MOXD1: variants seen among roughly 807,000 people sequenced by gnomAD.
The protein encoded by MOXD1 is DBH-like monooxygenase protein 1.
A neutral mutation model predicts 66.6 loss-of-function variants in MOXD1; 62 were observed. The ratio of observed to expected loss-of-function variants is 0.93; its 90% CI spans 0.76 to 1.15. The LOEUF (loss-of-function observed/expected upper bound fraction) is 1.15, where lower values mean the gene tolerates loss of function less well. Among genes scored for constraint, MOXD1 ranks in the 50% most tolerant of loss-of-function variants. The pLI is 0.00. For synonymous variants in MOXD1, 303 were observed against 281.9 expected (o/e 1.07, Z -0.75); for missense variants, 847 against 754.6 (o/e 1.12, Z -1.44).
At chr6:132,323,794 TA>T in intron 7 of MOXD1, 136 bp downstream of exon 7, 2 of 948,398 alleles carry the variant, frequency 2.1e-6, no homozygotes, top group Non-Finnish European at 1.5e-6. Context: ...AAAGTCCTAC[TA>T]AAATTGCGAT....
Position 132,376,332 on chromosome 6 carries a change from C to T in MOXD1, c.265-1555G>A, listed in dbSNP as rs1269173784. On this transcript the variant is annotated intron_variant, in intron 1 of 11. Transcript: ENST00000367963. ...ATAAAAGTCATACTCAAATAGATGGCATTTGGCATTTTTATTCCAAGCATC... is the reference window on the plus strand; with the variant it reads ...ATAAAAGTCATACTCAAATAGATGGTATTTGGCATTTTTATTCCAAGCATC... Among the ~76,000 whole-genome samples the T allele has an allele frequency of 2.6e-5, 4 of 152,150 alleles. No individual in the cohort carries two copies. In the East Asian group the frequency reaches 7.7e-4, roughly 29 times the overall value.
At chr6:132,359,538 G>C (rs995561872) in intron 4 of MOXD1, among the ~76,000 whole-genome samples, 2 of 147,420 alleles carry the variant, frequency 1.4e-5, no homozygotes, top group Non-Finnish European at 3.0e-5. Context: ...CCAGGCTGGA[G>C]TGCAGTGGCG....
intron 1 of MOXD1, among the ~76,000 whole-genome samples, chr6:132,389,464 A>G (rs1352990993): frequency 1.3e-5 from 2 of 151,326 alleles, no homozygotes; most frequent in Non-Finnish European, 3.0e-5. Context: ...CAACCTAACC[A>G]TATAAGGTCA....
At position 132,328,510 on chromosome 6, in the gene MOXD1, C is replaced by T. The variant is rs772078544; in HGVS notation, c.748G>A (p.Val250Ile). Reference protein sequence around the residue: ...YQCSNNFNDSVLESGHECYHP... With the variant: ...YQCSNNFNDSILESGHECYHP... ...TAGCACTCGTGGCCGGACTCCAGAA[C>T]GCTGTCGTTAAAGTTGTTGCTGCAC... Residue 250 changes from valine to isoleucine, a missense_variant, in exon 5 of 12, where the codon GTT becomes ATT. By Grantham distance (29) the Val-to-Ile change is conservative. Transcript: ENST00000367963. The T allele has an allele frequency of 8.1e-6, 13 of 1,614,014 alleles. No homozygotes were observed. Among genetic ancestry groups the T allele is most frequent in the Middle Eastern group, 1.6e-4 (1 of 6,084 alleles).
intron 6 of MOXD1, among the ~76,000 whole-genome samples, chr6:132,324,407 C>A: frequency 6.6e-6 from 1 of 152,056 alleles, no homozygotes; most frequent in East Asian, 1.9e-4. Flanking sequence ...AACATGAAGA[C>A]AGAATGAAGA....
At chr6:132,390,964 G>A (rs1346049726) in intron 1 of MOXD1, 1 of 151,450 alleles carries the variant, frequency 6.6e-6, no homozygotes, top group Non-Finnish European at 1.5e-5. Flanking sequence ...CACTATTTAG[G>A]AGGAAAATTA....
intron 1 of MOXD1, among the ~76,000 whole-genome samples, chr6:132,380,915 A>G (rs755310167): frequency 6.6e-6 from 1 of 152,192 alleles, no homozygotes; most frequent in Non-Finnish European, 1.5e-5. Context: ...TAGCCCCTAC[A>G]CGCACATGAA....
At chr6:132,359,743 C>T (rs58213243) in intron 4 of MOXD1, among the ~76,000 whole-genome samples, 7 of 152,294 alleles carry the variant, frequency 4.6e-5, no homozygotes, top group African/African-American at 1.7e-4. Context: ...GCCTCTGCCT[C>T]CCAAAGTGCT....
At chr6:132,369,222 T>C (rs1776211969) in intron 4 of MOXD1, among the ~76,000 whole-genome samples, 2 of 152,112 alleles carry the variant, frequency 1.3e-5, no homozygotes, top group African/African-American at 4.8e-5. Context: ...AGGCAATCCC[T>C]TGTTGAAGTC....
chr6:132,353,630 A>G (rs894933659), intron 4 of MOXD1, among the ~76,000 whole-genome samples: 1 of 152,132 alleles, frequency 6.6e-6, no homozygotes, highest in Non-Finnish European at 1.5e-5. Context: ...TAACCTGATG[A>G]TGATGTGCCT....
intron 4 of MOXD1, among the ~76,000 whole-genome samples, chr6:132,354,830 A>T (rs937014892): frequency 5.3e-5 from 8 of 152,124 alleles, no homozygotes; most frequent in African/African-American, 1.9e-4. Context: ...GTCTTGCTGC[A>T]GCTGCTGTGG....
intron 10 of MOXD1, among the ~76,000 whole-genome samples, chr6:132,303,833 G>GTA (rs1562276379): frequency 3.2e-4 from 19 of 59,970 alleles, no homozygotes; most frequent in Admixed American, 7.1e-4. Context: ...GTGTGTGTGT[G>GTA]TGTATATATA....
intron 1 of MOXD1, among the ~76,000 whole-genome samples, chr6:132,380,706 G>C (rs1224296246): frequency 6.6e-6 from 1 of 152,084 alleles, no homozygotes; most frequent in East Asian, 1.9e-4. Context: ...TGTGCCTTTA[G>C]AATACTTATT....
chr6:132,378,116 A>G (rs1304376443), intron 1 of MOXD1, among the ~76,000 whole-genome samples: 1 of 152,116 alleles, frequency 6.6e-6, no homozygotes, highest in Non-Finnish European at 1.5e-5. Flanking sequence ...CTGAGTGACA[A>G]GAGAGAAACT....
intron 4 of MOXD1, among the ~76,000 whole-genome samples, chr6:132,338,661 G>T (rs542606319): frequency 1.3e-5 from 2 of 150,794 alleles, no homozygotes; most frequent in South Asian, 2.1e-4. Context: ...TGTCTCAAGG[G>T]GATACATTTC....
intron 4 of MOXD1, among the ~76,000 whole-genome samples, chr6:132,371,057 A>G (rs1391954571): frequency 6.6e-6 from 1 of 152,194 alleles, no homozygotes; most frequent in Non-Finnish European, 1.5e-5. Flanking sequence ...GAAATTTACA[A>G]TTAATGTTTG....
At chr6:132,387,751 TAAAAAAA>T (rs56728324) in intron 1 of MOXD1, among the ~76,000 whole-genome samples, 2 of 69,516 alleles carry the variant, frequency 2.9e-5, no homozygotes, top group South Asian at 5.6e-4. Context: ...AAACTCCATC[TAAAAAAA>T]AAAAAAAAAA....
In MOXD1 at chr6:132,362,745, G is replaced by A. The variant is rs188821499; in HGVS notation, c.663+9863C>T. Among the ~76,000 whole-genome samples the A allele has an allele frequency of 1.6e-4, 24 of 152,238 alleles. No homozygotes were observed. In the East Asian group the frequency reaches 2.1e-3, roughly 13 times the overall value. On this transcript the variant is annotated intron_variant, in intron 4 of 11. Transcript: ENST00000367963. The stretch of plus-strand genomic sequence containing the variant: ...ACAGAAAGCTTTTGGCTTGCTTCCA[G>A]CAATCTTTATGCTACAAGACGTGTC...
intron 4 of MOXD1, among the ~76,000 whole-genome samples, chr6:132,355,189 G>C (rs1191411722): frequency 6.6e-6 from 1 of 152,082 alleles, no homozygotes; most frequent in Non-Finnish European, 1.5e-5. Flanking sequence ...GATTCAAATT[G>C]TTACAAAGTT....
Sources: gnomAD v4.1 joint callset for allele counts (sites outside exome capture counted in the v4.1 genomes callset) on GRCh38, gnomAD v4.1.1 for gene constraint, MANE v1.5 for transcripts, NCBI Gene and HGNC (gene_info 2026-07-23, HGNC 2026-07-21) for gene names.